Variants in DDHD1 observed in about 807,000 individuals in gnomAD.
DDHD1 encodes phospholipase DDHD1.
In DDHD1, 49 loss-of-function variants were observed where a neutral mutation model predicts 96.4. The ratio of observed to expected loss-of-function variants is 0.51; its 90% CI spans 0.40 to 0.64. DDHD1 has a LOEUF of 0.64. DDHD1 is among the 30% of genes least tolerant of loss of function. DDHD1 has a pLI of 0.00. For synonymous variants in DDHD1, 442 were observed against 446.5 expected (o/e 0.99, Z 0.13); for missense variants, 1,106 against 1,161.2 (o/e 0.95, Z 0.69).
At position 53,050,647 on chromosome 14, in the gene DDHD1, T is replaced by C. The variant is rs575517699; in HGVS notation, c.2521+1197A>G. On this transcript the variant is annotated intron_variant, in intron 12 of 12. Coordinates refer to ENST00000673822, the MANE Select transcript of DDHD1 (RefSeq NM_001160148.2). ...CACACTAGCATCTTTATAGGCAGTA[T>C]TGAAATTTGTTTCATCTTATCTTTT... is the stretch of plus-strand genomic sequence containing the variant. 2.0e-5 allele frequency among the ~76,000 whole-genome samples: 3 copies of C among 152,284 alleles called. No individual in the cohort carries two copies. The South Asian group carries it at 6.2e-4, about 32-fold the overall frequency.
At chr14:53,146,791 G>A (rs1043178367) in intron 1 of DDHD1, among the ~76,000 whole-genome samples, 12 of 152,118 alleles carry the variant, frequency 7.9e-5, no homozygotes, top group Non-Finnish European at 1.0e-4. Flanking sequence ...CAATGTAGAC[G>A]CAAAAGAGTA....
At chr14:53,063,282 T>TA in intron 6 of DDHD1, 77 bp from the exon 7 acceptor site, 1 of 1,477,558 alleles carries the variant, frequency 6.8e-7, no homozygotes, top group Non-Finnish European at 9.1e-7. Flanking sequence ...TCAAATACAT[T>TA]AAGGTAGAAA....
intron 10 of DDHD1, 121 bp from the exon 11 acceptor site, chr14:53,054,750 G>A (rs1382554892): frequency 3.5e-6 from 3 of 862,134 alleles, no homozygotes; most frequent in Non-Finnish European, 5.3e-6. Flanking sequence ...GTTTTTCCAG[G>A]GTGGGAACAT....
Position 53,146,845 on chromosome 14 carries a change from G to A in DDHD1, c.838+5416C>T, listed in dbSNP as rs1016034289. Among the ~76,000 whole-genome samples, 6 of 151,358 alleles carry A rather than the reference G, an allele frequency of 4.0e-5. No homozygotes were observed. The East Asian group carries it at 1.2e-3, about 29-fold the overall frequency. On this transcript the variant is annotated intron_variant, in intron 1 of 12. Transcript: ENST00000673822. ...AGTAACTATAAAAAAATTTTTCCTT[G>A]TTCTACTTTTTAACTGAACTTTTAG...
intron 4 of DDHD1, 132 bp downstream of exon 4, chr14:53,091,653 C>T (rs914052829): frequency 5.4e-6 from 5 of 928,248 alleles, no homozygotes; most frequent in African/African-American, 3.3e-5. Flanking sequence ...TGATCTATGA[C>T]TTAAGAGGTA....
intron 6 of DDHD1, among the ~76,000 whole-genome samples, chr14:53,071,232 T>C (rs531002638): frequency 2.0e-5 from 3 of 152,134 alleles, no homozygotes; most frequent in South Asian, 2.1e-4. Flanking sequence ...CCATATACAA[T>C]TGGCAAAAAA....
chr14:53,066,627 G>A (rs1884042693), intron 6 of DDHD1, among the ~76,000 whole-genome samples: 1 of 152,064 alleles, frequency 6.6e-6, no homozygotes, highest in African/African-American at 2.4e-5. Flanking sequence ...TAACACCAAT[G>A]CCATGTTAAT....
intron 1 of DDHD1, among the ~76,000 whole-genome samples, chr14:53,104,594 A>G (rs1216983891): frequency 6.6e-6 from 1 of 152,108 alleles, no homozygotes; most frequent in East Asian, 1.9e-4. Context: ...TGAAACTATT[A>G]TATTAGTAAA....
Position 53,152,297 on chromosome 14 carries a change from C to T in DDHD1, c.802G>A (p.Val268Met). ...ACCGGGTAGCACTCTCCTTGGGTCA[C>T]ATCCACCTCGTAGAGGCCGCCCCGC... ...CVRGGLYEVD[V>M]TQGECYPVYW... The change falls in exon 1 of 13, where the codon GTG becomes ATG. Residue 268 changes from valine to methionine, a missense_variant. Physicochemically the swap from Val to Met is conservative, Grantham distance 21 (BLOSUM62 1). This residue lies in a region of DDHD1 where 456 missense variants were observed against 402.4 expected (regional missense o/e 1.13). Transcript: ENST00000673822. 6.2e-7 allele frequency: 1 copy of T among 1,613,286 alleles called. No individual in the cohort carries two copies. The highest frequency in any genetic ancestry group is 8.5e-7 in the Non-Finnish European group (1 of 1,179,562).
chr14:53,102,473 G>A (rs1887377273), intron 2 of DDHD1, among the ~76,000 whole-genome samples: 1 of 151,910 alleles, frequency 6.6e-6, no homozygotes, highest in African/African-American at 2.4e-5. Flanking sequence ...TATGGTATCT[G>A]GCACATAAAA....
At chr14:53,122,106 G>C (rs1889041481) in intron 1 of DDHD1, among the ~76,000 whole-genome samples, 1 of 152,130 alleles carries the variant, frequency 6.6e-6, no homozygotes, top group Non-Finnish European at 1.5e-5. Flanking sequence ...GGAAGAAGAA[G>C]GTGTTTCTCC....
chr14:53,147,312 A>C (rs138114424), intron 1 of DDHD1, among the ~76,000 whole-genome samples: 32 of 152,360 alleles, frequency 2.1e-4, no homozygotes, highest in African/African-American at 7.7e-4. Flanking sequence ...AGAAGAGAGA[A>C]GCATACTCAA....
chr14:53,039,327 A>G lies in DDHD1; in HGVS notation c.*7441T>C. 6.6e-6 allele frequency: 1 copy of G among 152,352 alleles called. No homozygotes were observed. Among genetic ancestry groups the G allele is most frequent in the Non-Finnish European group, 1.5e-5 (1 of 68,054 alleles). The allele number at this position is 152,352 out of a possible 1,614,324, so 9.4% of individuals were successfully genotyped here. A position where few individuals can be genotyped will look rare whatever the true frequency, so the allele number is the denominator to read the frequency against. ...AGCCATAGAAGGCTACCTGCATTTC[A>G]GGGCCAGCAAATAAAATCCTATGGA... is the stretch of plus-strand genomic sequence containing the variant. On this transcript the variant is annotated 3_prime_UTR_variant, in exon 13 of 13. Transcript: ENST00000673822.
chr14:53,134,974 T>C (rs751677866), intron 1 of DDHD1, among the ~76,000 whole-genome samples: 4 of 152,172 alleles, frequency 2.6e-5, no homozygotes, highest in African/African-American at 9.7e-5. Context: ...TCTCCCACTA[T>C]AGGTTCCCAC....
Position 53,046,688 on chromosome 14 carries a change from A to T in DDHD1, c.*80T>A. ...AAAACTGAAATATACTTTAACCCTG[A>T]AATCTCCGTATCTTGACACACACAT... On this transcript the variant is annotated 3_prime_UTR_variant, in exon 13 of 13. Transcript: ENST00000673822. 2.1e-6 allele frequency: 2 copies of T among 954,178 alleles called. No individual in the cohort carries two copies. Among genetic ancestry groups the T allele is most frequent in the Middle Eastern group, 2.4e-4 (1 of 4,206 alleles). 59.1% of individuals were successfully genotyped at this position (954,178 alleles called of 1,614,324 possible).
intron 4 of DDHD1, among the ~76,000 whole-genome samples, chr14:53,076,351 T>C (rs771708348): frequency 2.0e-5 from 3 of 152,148 alleles, no homozygotes; most frequent in Non-Finnish European, 2.9e-5. Context: ...TGCAGATGTA[T>C]TGGAAATAGC....
At chr14:53,091,644 G>T in intron 4 of DDHD1, 141 bp downstream of exon 4, 2 of 817,340 alleles carry the variant, frequency 2.4e-6, no homozygotes, top group South Asian at 3.1e-5. Flanking sequence ...CCAGATACTT[G>T]ATCTATGACT....
chr14:53,133,261 G>A (rs912679183), intron 1 of DDHD1, among the ~76,000 whole-genome samples: 8 of 152,258 alleles, frequency 5.3e-5, no homozygotes, highest in East Asian at 1.9e-4. Context: ...CACATGCCTC[G>A]AGTCAGGAAA....
intron 1 of DDHD1, among the ~76,000 whole-genome samples, chr14:53,134,432 C>T (rs1037590395): frequency 2.0e-5 from 3 of 152,010 alleles, no homozygotes; most frequent in African/African-American, 7.2e-5. Flanking sequence ...CTCTTATTTT[C>T]ATTCTCGTCT....
Sources: gnomAD v4.1 joint callset for allele counts (sites outside exome capture counted in the v4.1 genomes callset) on GRCh38, gnomAD v4.1.1 for gene constraint, gnomAD v4.1.1 regional missense constraint, MANE v1.5 for transcripts, NCBI Gene and HGNC (gene_info 2026-07-23, HGNC 2026-07-21) for gene names.